The following ZNF264 variants were observed in gnomAD, a reference collection of about 807,000 sequenced individuals.
ZNF264 encodes the protein zinc finger protein 264.
ZNF264 carries 11 observed loss-of-function variants against 11.2 expected under a neutral mutation model. That is an observed-to-expected ratio of 0.98 (90% confidence interval 0.62 to 1.63). The LOEUF is 1.63. Ranked by LOEUF, ZNF264 falls within the 40% of genes most tolerant of loss-of-function variation. ZNF264 has a pLI of 0.00. For missense variants in ZNF264, 752 were observed against 768.1 expected, an observed-to-expected ratio of 0.98 and a Z score of 0.25; for synonymous variants, 309 against 279.8, an observed-to-expected ratio of 1.10 and a Z score of -1.04.
chr19:57,210,869 A>G (rs2087329238), intron 3 of ZNF264, among the ~76,000 whole-genome samples: 1 of 152,180 alleles, frequency 6.6e-6, no homozygotes, highest in Non-Finnish European at 1.5e-5. Flanking sequence ...ACCATAAGTA[A>G]AAACATTTTG....
intron 2 of ZNF264, among the ~76,000 whole-genome samples, chr19:57,204,039 T>G (rs573182378): frequency 1.9e-4 from 29 of 152,114 alleles, no homozygotes; most frequent in African/African-American, 6.7e-4. Context: ...CCAAAAAAAT[T>G]AGCCAGGTGT....
rs1291475238 is a variant in ZNF264 at position 57,212,857 on chromosome 19, A to C, written c.1760A>C (p.Glu587Ala). ...TSGQTSVTLR[E>A]LLLGKDFLNV... is the part of the protein sequence containing the mutation. ...GGACAAACCTCAGTTACCCTTCGAGAACTTCTTTTAGGGAAGGACTTTTTG... is the reference window on the plus strand; with the variant it reads ...GGACAAACCTCAGTTACCCTTCGAGCACTTCTTTTAGGGAAGGACTTTTTG... The change falls in exon 4 of 4, where the codon GAA becomes GCA. Residue 587 changes from glutamate (E) to alanine (A), a missense_variant. Physicochemically the swap from Glu to Ala is moderately radical, Grantham distance 107. Transcript: ENST00000263095. 5.0e-6 allele frequency: 8 copies of C among 1,614,198 alleles called. No individual in the cohort carries two copies. The East Asian group carries it at 1.8e-4, about 36-fold the overall frequency.
Position 57,212,122 on chromosome 19 carries a change from C to T in ZNF264, c.1025C>T (p.Pro342Leu). The change falls in exon 4 of 4, where the codon CCC becomes CTC. Residue 342 changes from proline (P) to leucine (L), a missense_variant. Coordinates refer to ENST00000263095, the MANE Select transcript of ZNF264 (RefSeq NM_003417.5). ...TATGTTGTCCACAGTGGTGAGAATC[C>T]CTATGAGTGCTTGGAGTGTGGCAAG... ...RHYVVHSGEN[P>L]YECLECGKVF... is the part of the protein sequence containing the mutation. The T allele has an allele frequency of 6.2e-7, 1 of 1,614,146 alleles. No individual in the cohort carries two copies. The highest frequency in any genetic ancestry group is 8.5e-7 in the Non-Finnish European group (1 of 1,180,028).
Position 57,211,389 on chromosome 19 carries a change from A to G in ZNF264, c.292A>G (p.Thr98Ala). 1 of 1,613,902 alleles carries G rather than the reference A, an allele frequency of 6.2e-7. No homozygotes were observed. Residue 98 changes from threonine to alanine, a missense_variant, in exon 4 of 4, where the codon ACT (threonine) becomes GCT (alanine). Coordinates refer to ENST00000263095, the MANE Select transcript of ZNF264 (RefSeq NM_003417.5). ...AAAACCTAAGACCACAGAACCTACC[A>G]CTTGTGAGCCAGCCTTGTCAGAGGG... Reference protein sequence around the residue: ...KGKPKTTEPTTCEPALSEGIS... With the variant: ...KGKPKTTEPTACEPALSEGIS...
rs563920808 is a variant in ZNF264 at position 57,221,249 on chromosome 19, C to G, written c.*8268C>G. Reference sequence around the variant, plus strand: ...TATTTTTAGTAGTAGTGGGATTTCACCATGTTGGCCAGGATGGCCTCCACC... The same window carrying G: ...TATTTTTAGTAGTAGTGGGATTTCAGCATGTTGGCCAGGATGGCCTCCACC... On this transcript the variant is annotated 3_prime_UTR_variant, in exon 4 of 4. Coordinates refer to ENST00000263095, the MANE Select transcript of ZNF264 (RefSeq NM_003417.5). 6.6e-6 allele frequency: 1 copy of G among 151,970 alleles called. No homozygotes were observed. The highest frequency in any genetic ancestry group is 6.6e-5 in the Admixed American group (1 of 15,216). The allele number at this position is 151,970 out of a possible 1,614,324, so 9.4% of individuals were successfully genotyped here. A position where few individuals can be genotyped will look rare whatever the true frequency, so the allele number is the denominator to read the frequency against.
chr19:57,191,891 T>C lies in ZNF264; in HGVS notation c.-23T>C. ...CCGCCCGGGGCTCCTCTGTCCCAGC[T>C]CTGCGGCCCAGGGGGTGACGTGATG... On this transcript the variant is annotated 5_prime_UTR_variant, in exon 1 of 4. Coordinates refer to ENST00000263095, the MANE Select transcript of ZNF264 (RefSeq NM_003417.5). 1 of 1,446,284 alleles carries C rather than the reference T, an allele frequency of 6.9e-7. No homozygotes were observed. The highest frequency in any genetic ancestry group is 9.1e-7 in the Non-Finnish European group (1 of 1,096,068). 89.6% of individuals were successfully genotyped at this position (1,446,284 alleles called of 1,614,324 possible).
intron 1 of ZNF264, chr19:57,192,401 G>T (rs2087180433): frequency 1.0e-6 from 1 of 985,392 alleles, no homozygotes; most frequent in East Asian, 1.1e-4. Flanking sequence ...TCTTTTCCTG[G>T]ATGTTCTAGC....
chr19:57,217,113 C>T lies in ZNF264; in HGVS notation c.*4132C>T, dbSNP rs999796070. ...CAAGGCCTACTTTATAATAAAGTTA[C>T]TGCAAAGAATTTTAAATAAAAATTC... On this transcript the variant is annotated 3_prime_UTR_variant, in exon 4 of 4. Transcript: ENST00000263095. The T allele has an allele frequency of 6.6e-6, 1 of 152,176 alleles. No homozygotes were observed. The highest frequency in any genetic ancestry group is 1.5e-5 in the Non-Finnish European group (1 of 68,026). 9.4% of individuals were successfully genotyped at this position (152,176 alleles called of 1,614,324 possible).
At position 57,213,081 on chromosome 19, in the gene ZNF264, A is replaced by C; in HGVS notation, c.*100A>C. ...TTCTCCATCTGATAATTTATCCTGGAGAGAGACCCAGTGGTTATTGTGCAC... is the reference window on the plus strand; with the variant it reads ...TTCTCCATCTGATAATTTATCCTGGCGAGAGACCCAGTGGTTATTGTGCAC... On this transcript the variant is annotated 3_prime_UTR_variant, in exon 4 of 4. Coordinates refer to ENST00000263095, the MANE Select transcript of ZNF264 (RefSeq NM_003417.5). 2 of 1,210,218 alleles carry C rather than the reference A, an allele frequency of 1.7e-6. No individual in the cohort carries two copies. Among genetic ancestry groups the C allele is most frequent in the East Asian group, 4.9e-5 (2 of 41,184 alleles). 75.0% of individuals were successfully genotyped at this position (1,210,218 alleles called of 1,614,324 possible).
intron 2 of ZNF264, among the ~76,000 whole-genome samples, chr19:57,202,924 C>G (rs1447484793): frequency 6.6e-6 from 1 of 152,092 alleles, no homozygotes; most frequent in Non-Finnish European, 1.5e-5. Flanking sequence ...CAGCCCTCAA[C>G]CTGTGGGATC....
chr19:57,197,939 A>G (rs1357093924), intron 2 of ZNF264, among the ~76,000 whole-genome samples: 1 of 152,032 alleles, frequency 6.6e-6, no homozygotes, highest in Non-Finnish European at 1.5e-5. Flanking sequence ...TACTGGATCC[A>G]GTCGGCATAA....
chr19:57,196,612 A>G (rs1383122371), intron 2 of ZNF264, among the ~76,000 whole-genome samples: 2 of 151,914 alleles, frequency 1.3e-5, no homozygotes, highest in Admixed American at 6.6e-5. Flanking sequence ...TCATGGGCCC[A>G]TTGCACGATG....
At chr19:57,204,458 G>A (rs1487747359) in intron 2 of ZNF264, among the ~76,000 whole-genome samples, 1 of 152,134 alleles carries the variant, frequency 6.6e-6, no homozygotes, top group Admixed American at 6.5e-5. Context: ...CCATGGTGTT[G>A]TCGTGATAGC....
intron 2 of ZNF264, among the ~76,000 whole-genome samples, chr19:57,198,231 G>A (rs2087226364): frequency 1.3e-5 from 2 of 151,952 alleles, no homozygotes; most frequent in African/African-American, 4.9e-5. Context: ...TATAGCAGCT[G>A]CAATTGGAGC....
chr19:57,200,095 G>A (rs1430712693), intron 2 of ZNF264, among the ~76,000 whole-genome samples: 1 of 151,704 alleles, frequency 6.6e-6, no homozygotes, highest in African/African-American at 2.4e-5. Context: ...AGATTGCCCT[G>A]AGTGAGTCTT....
rs1345754060 is a variant in ZNF264, at chr19:57,191,716, G to A, written c.-198G>A. ...CCCTTCAGCCCCGCGGTCTCCAGGGGCGGCGCCCTGGGTCTGGAACGCGGT... is the reference window on the plus strand; with the variant it reads ...CCCTTCAGCCCCGCGGTCTCCAGGGACGGCGCCCTGGGTCTGGAACGCGGT... On this transcript the variant is annotated 5_prime_UTR_variant, in exon 1 of 4. Transcript: ENST00000263095. 2.4e-6 allele frequency: 1 copy of A among 410,744 alleles called. No homozygotes were observed. Among genetic ancestry groups the A allele is most frequent in the Non-Finnish European group, 4.3e-6 (1 of 235,160 alleles). The allele number at this position is 410,744 out of a possible 1,614,324, so 25.4% of individuals were successfully genotyped here.
intron 1 of ZNF264, 193 bp from the exon 2 acceptor site, chr19:57,193,682 G>T: frequency 1.6e-6 from 1 of 623,408 alleles, no homozygotes; most frequent in Non-Finnish European, 2.0e-6. Context: ...TAAATAGGAG[G>T]CTTCTCTCCT....
At chr19:57,196,973 C>T (rs1486517874) in intron 2 of ZNF264, among the ~76,000 whole-genome samples, 3 of 151,948 alleles carry the variant, frequency 2.0e-5, no homozygotes, top group East Asian at 3.8e-4. Flanking sequence ...AATTTCCCTT[C>T]GCCACTCTCC....
Position 57,193,670 on chromosome 19 carries a change from G to C in ZNF264, c.34-205G>C, listed in dbSNP as rs189247343. Reference sequence around the variant, plus strand: ...TGTCCTGTGTCATTCTCTAACGGCCGTTAAATAGGAGGCTTCTCTCCTTTA... The same window carrying C: ...TGTCCTGTGTCATTCTCTAACGGCCCTTAAATAGGAGGCTTCTCTCCTTTA... On this transcript the variant is annotated intron_variant, in intron 1 of 3. Coordinates refer to ENST00000263095, the MANE Select transcript of ZNF264 (RefSeq NM_003417.5). 8.0e-6 allele frequency: 5 copies of C among 621,942 alleles called. No homozygotes were observed. The African/African-American group carries it at 1.0e-4, about 12-fold the overall frequency. The allele number at this position is 621,942 out of a possible 1,614,324, so 38.5% of individuals were successfully genotyped here.
Sources: allele counts gnomAD v4.1 joint callset (sites outside exome capture counted in the v4.1 genomes callset), GRCh38; gene constraint gnomAD v4.1.1; transcripts MANE v1.5; gene names NCBI Gene and HGNC (gene_info 2026-07-23, HGNC 2026-07-21).